The following TENM3 variants were observed in gnomAD, a reference collection of about 807,000 sequenced individuals.
TENM3 encodes the protein teneurin-3.
TENM3 carries 63 observed loss-of-function variants against 255.1 expected under a neutral mutation model. The ratio of observed to expected loss-of-function variants is 0.25; its 90% CI spans 0.20 to 0.30. TENM3 has a LOEUF of 0.30. Among genes scored for constraint, TENM3 ranks in the 10% least tolerant of loss-of-function variants. The probability of loss-of-function intolerance (pLI) is 1.00; values close to 1 mark genes in which losing one functional copy is unlikely to be tolerated. For synonymous variants in TENM3, 1,306 were observed against 1,322.3 expected, an observed-to-expected ratio of 0.99 and a Z score of 0.27; for missense variants, 2,929 against 3,461.1, an observed-to-expected ratio of 0.85 and a Z score of 3.86.
At chr4:181,479,956 A>G in the TENM3 span, among the ~76,000 whole-genome samples, 24 of 152,146 alleles carry the variant, frequency 1.6e-4, no homozygotes, top group Non-Finnish European at 2.8e-4. Flanking sequence ...TGACCTAGCA[A>G]TCACAGTGAC....
At chr4:181,488,529 A>C in the TENM3 span, among the ~76,000 whole-genome samples, 3 of 152,312 alleles carry the variant, frequency 2.0e-5, no homozygotes, top group East Asian at 5.8e-4. Context: ...AACTGTAGGA[A>C]ATGTAGTCAA....
chr4:182,180,471 C>T (rs1004020179), intron 1 of TENM3, among the ~76,000 whole-genome samples: 2 of 152,086 alleles, frequency 1.3e-5, no homozygotes, highest in Non-Finnish European at 2.9e-5. Flanking sequence ...ACCTTCATAG[C>T]ATCTGGTGAT....
the TENM3 span, among the ~76,000 whole-genome samples, chr4:182,037,193 G>A: frequency 6.7e-6 from 1 of 150,098 alleles, no homozygotes; most frequent in Non-Finnish European, 1.5e-5. Flanking sequence ...TGTTTCCCAG[G>A]CTGGAGTGCA....
intron 3 of TENM3, among the ~76,000 whole-genome samples, chr4:182,397,888 C>T (rs975646930): frequency 6.6e-6 from 1 of 152,130 alleles, no homozygotes; most frequent in Non-Finnish European, 1.5e-5. Flanking sequence ...TACTTCTGTG[C>T]CGTGGTCAAT....
At chr4:181,563,516 G>A in the TENM3 span, among the ~76,000 whole-genome samples, 1 of 152,098 alleles carries the variant, frequency 6.6e-6, no homozygotes, top group Non-Finnish European at 1.5e-5. Context: ...CAAATAAATG[G>A]GGATGAAGAG....
At chr4:181,523,307 G>A in the TENM3 span, among the ~76,000 whole-genome samples, 39 of 152,040 alleles carry the variant, frequency 2.6e-4, no homozygotes, top group Non-Finnish European at 4.4e-4. Context: ...TGCTTCCACA[G>A]TAGAGTTTGA....
the TENM3 span, among the ~76,000 whole-genome samples, chr4:181,609,638 A>C: frequency 6.6e-6 from 1 of 152,236 alleles, no homozygotes; most frequent in South Asian, 2.1e-4. Flanking sequence ...ATGACCACAT[A>C]TGTTGTGCAT....
the TENM3 span, among the ~76,000 whole-genome samples, chr4:181,709,134 A>G: frequency 6.6e-6 from 1 of 152,234 alleles, no homozygotes; most frequent in Non-Finnish European, 1.5e-5. Flanking sequence ...AGTAATATTT[A>G]TAGAAGACAC....
the TENM3 span, among the ~76,000 whole-genome samples, chr4:181,949,394 AT>A: frequency 1.3e-5 from 2 of 152,222 alleles, no homozygotes; most frequent in Non-Finnish European, 2.9e-5. Flanking sequence ...GCTGTTGAAG[AT>A]TTGGCTTATG....
chr4:182,513,672 A>G (rs1580793215), intron 3 of TENM3, among the ~76,000 whole-genome samples: 1 of 152,158 alleles, frequency 6.6e-6, no homozygotes, highest in Admixed American at 6.5e-5. Context: ...TGTGTTTCTT[A>G]TTTCCTGCGT....
intron 3 of TENM3, among the ~76,000 whole-genome samples, chr4:182,548,453 A>G (rs1211921575): frequency 6.6e-6 from 1 of 152,132 alleles, no homozygotes; most frequent in Non-Finnish European, 1.5e-5. Context: ...AAAGCTTTGG[A>G]CTGAAAAGCA....
At chr4:181,772,539 G>T in the TENM3 span, among the ~76,000 whole-genome samples, 1 of 152,120 alleles carries the variant, frequency 6.6e-6, no homozygotes, top group Non-Finnish European at 1.5e-5. Flanking sequence ...TTAATGTGTT[G>T]TAACAACTAA....
At chr4:182,785,669 T>C (rs1327664576) in intron 24 of TENM3, among the ~76,000 whole-genome samples, 5 of 144,466 alleles carry the variant, frequency 3.5e-5, no homozygotes, top group Non-Finnish European at 7.4e-5. Context: ...GATCACACTA[T>C]TGCTCTCCAG....
the TENM3 span, among the ~76,000 whole-genome samples, chr4:181,733,645 A>G: frequency 6.6e-6 from 1 of 152,206 alleles, no homozygotes; most frequent in African/African-American, 2.4e-5. Context: ...AGAAGGCAGA[A>G]AAAGACTGAG....
chr4:181,713,276 C>A, the TENM3 span, among the ~76,000 whole-genome samples: 4 of 152,196 alleles, frequency 2.6e-5, no homozygotes, highest in African/African-American at 7.2e-5. Flanking sequence ...AGGTCTGCAT[C>A]TGCAGAGAAG....
the TENM3 span, among the ~76,000 whole-genome samples, chr4:181,616,275 G>A: frequency 2.6e-5 from 2 of 75,590 alleles, no homozygotes; most frequent in Admixed American, 4.3e-4. Context: ...TATTAGTAAA[G>A]GTTTCCAAAA....
the TENM3 span, among the ~76,000 whole-genome samples, chr4:181,956,156 G>A: frequency 2.6e-5 from 4 of 152,102 alleles, no homozygotes; most frequent in South Asian, 6.2e-4. Context: ...AGCCCTCAGG[G>A]TCTCCTTCCT....
intron 12 of TENM3, among the ~76,000 whole-genome samples, chr4:182,701,484 T>A (rs374494826): frequency 1.3e-4 from 20 of 152,104 alleles, no homozygotes; most frequent in African/African-American, 4.3e-4. Flanking sequence ...CCTCCCAATA[T>A]GCTGGGATTA....
the TENM3 span, among the ~76,000 whole-genome samples, chr4:181,777,384 GC>G: frequency 3.3e-5 from 5 of 151,924 alleles, no homozygotes; most frequent in Non-Finnish European, 5.9e-5. Context: ...GATTACTTTG[GC>G]TGTTCAGCTC....
Sources: allele counts gnomAD v4.1 joint callset (sites outside exome capture counted in the v4.1 genomes callset), GRCh38; gene constraint gnomAD v4.1.1; transcripts MANE v1.5; gene names NCBI Gene and HGNC (gene_info 2026-07-23, HGNC 2026-07-21).